HAUS7: variants seen among roughly 807,000 people sequenced by gnomAD.
HAUS7 encodes HAUS augmin-like complex subunit 7.
In HAUS7, 3 loss-of-function variants were observed where a neutral mutation model predicts 28.4. That is an observed-to-expected ratio of 0.11 (90% CI 0.05 to 0.27). The LOEUF (loss-of-function observed/expected upper bound fraction) is 0.27. HAUS7 is among the 10% of genes least tolerant of loss of function. The probability of loss-of-function intolerance (pLI) is 1.00; values close to 1 mark genes in which losing one functional copy is unlikely to be tolerated. For missense variants in HAUS7, 284 were observed against 297.3 expected (o/e 0.96, Z 0.33); for synonymous variants, 165 against 132.1 (o/e 1.25, Z -1.71).
chrX:153,467,788 G>A (rs977288825), intron 2 of HAUS7, among the ~76,000 whole-genome samples: 9 of 112,948 alleles, frequency 8.0e-5, no homozygotes, highest in Non-Finnish European at 1.5e-4. Context: ...TAAAGAGCCG[G>A]AAATGACAGC....
At chrX:153,478,817 G>C (rs782465833) in intron 1 of HAUS7, among the ~76,000 whole-genome samples, 12 of 112,619 alleles carry the variant, frequency 1.1e-4, no homozygotes, top group Non-Finnish European at 2.3e-4. Context: ...CCACGGCCTT[G>C]GCACCCACCC....
intron 1 of HAUS7, among the ~76,000 whole-genome samples, chrX:153,490,031 C>G (rs1215795742): frequency 8.9e-6 from 1 of 112,889 alleles, no homozygotes; most frequent in African/African-American, 3.2e-5. Flanking sequence ...AAAGATTGCT[C>G]CGAGCTGAAG....
chrX:153,460,585 G>A (rs1285427504), intron 4 of HAUS7, among the ~76,000 whole-genome samples: 1 of 110,333 alleles, frequency 9.1e-6, no homozygotes, highest in African/African-American at 3.3e-5. Context: ...GCAGCAGCGA[G>A]CTCCCACAGG....
chrX:153,471,262 A>C, upstream of HAUS7: 1 of 222,586 alleles, frequency 4.5e-6, no homozygotes, highest in Non-Finnish European at 8.6e-6. Context: ...CACCTTACCC[A>C]CTGGGTTGCT....
chrX:153,449,661 G>C (rs1190246807), intron 9 of HAUS7, among the ~76,000 whole-genome samples: 1 of 112,185 alleles, frequency 8.9e-6, no homozygotes, highest in Non-Finnish European at 1.9e-5. Flanking sequence ...TTGAAGCTTT[G>C]GCCCCAGCCC....
chrX:153,490,219 G>A (rs12689026), intron 1 of HAUS7, among the ~76,000 whole-genome samples: 26,193 of 112,074 alleles, frequency 0.23, 3,126 homozygotes, highest in Non-Finnish European at 0.36. Context: ...CTCTGGCCAC[G>A]CCCCAGACCA....
chrX:153,454,539 AG>A, intron 8 of HAUS7, 31 bp from the exon 9 acceptor site: 1 of 130,842 alleles, frequency 7.6e-6, no homozygotes. Context: ...GGAGGGAGGG[AG>A]GGAGGGAGCG....
chrX:153,487,096 T>C (rs2089643794), intron 1 of HAUS7: 1 of 245,877 alleles, frequency 4.1e-6, no homozygotes, highest in Non-Finnish European at 7.6e-6. Flanking sequence ...GGCTCTCCCA[T>C]GTCCGTGCGG....
chrX:153,480,256 C>T (rs1033827705), intron 1 of HAUS7, among the ~76,000 whole-genome samples: 9 of 110,599 alleles, frequency 8.1e-5, no homozygotes, highest in African/African-American at 3.0e-4. Flanking sequence ...TCCCTGGGCC[C>T]AACCACCGGT....
At chrX:153,483,286 C>T in intron 1 of HAUS7, 1 of 754,031 alleles carries the variant, frequency 1.3e-6, no homozygotes, top group Non-Finnish European at 1.6e-6. Flanking sequence ...CTCACCCCAA[C>T]CCCTGACCCC....
At position 153,465,018 on chromosome X, in the gene HAUS7, T is replaced by C. The variant is rs781976078; in HGVS notation, c.262A>G (p.Lys88Glu). The C allele has an allele frequency of 8.3e-7, 1 of 1,203,165 alleles. No homozygotes were observed. The highest frequency in any genetic ancestry group is 1.1e-6 in the Non-Finnish European group (1 of 887,772). The change falls in exon 3 of 10, where the codon AAA (lysine) becomes GAA (glutamate). Residue 88 changes from lysine to glutamate, a missense_variant. By Grantham distance (56) the Lys-to-Glu change is moderately conservative. Coordinates refer to ENST00000370211, the MANE Select transcript of HAUS7 (RefSeq NM_001385482.1). Reference protein sequence around the residue: ...PSLQDRFSSLKGVPTEVKIQE... With the variant: ...PSLQDRFSSLEGVPTEVKIQE... ...ATCTTCACCTCTGTTGGGACCCCTT[T>C]CAGTGAGCTGAACCTGTCCTGCAGT...
chrX:153,469,607 G>T lies in HAUS7; in HGVS notation c.109-346C>A, dbSNP rs1047648274. Among the ~76,000 whole-genome samples the T allele has an allele frequency of 1.5e-3, 174 of 113,154 alleles. 1 individual carries two copies. Among genetic ancestry groups the T allele is most frequent in the African/African-American group, 5.5e-3 (172 of 31,201 alleles). ...CTCCCAAAGTGGTGGGATTACAGGC[G>T]TGGGCCGCCGCGCCCAGTCCTCAGT... On this transcript the variant is annotated intron_variant, in intron 1 of 9. Transcript: ENST00000370211.
chrX:153,470,933 G>A (rs1004964061), upstream of HAUS7: 2 of 337,432 alleles, frequency 5.9e-6, no homozygotes, highest in African/African-American at 2.6e-5. Flanking sequence ...TGCTGGCGTC[G>A]CCCCTGCTGC....
At position 153,457,232 on chromosome X, in the gene HAUS7, G is replaced by A. The variant is rs781992743; in HGVS notation, c.355-4C>T. The A allele has an allele frequency of 1.8e-5, 21 of 1,154,380 alleles. No homozygotes were observed. The South Asian group carries it at 3.8e-4, about 21-fold the overall frequency. ...GCTTCTGGGCGCAGGCACAGCCCTG[G>A]GCAAGGAAGACCACAGACATTCACT... On this transcript the variant is annotated splice_polypyrimidine_tract_variant and splice_region_variant and intron_variant, in intron 4 of 9. Transcript: ENST00000370211.
intron 1 of HAUS7, among the ~76,000 whole-genome samples, chrX:153,488,413 C>G (rs1232744130): frequency 8.8e-6 from 1 of 113,157 alleles, no homozygotes; most frequent in Admixed American, 9.2e-5. Context: ...GGACCGGGGC[C>G]TGGGAACTGA....
At chrX:153,484,623 A>C (rs1281964101) in intron 1 of HAUS7, among the ~76,000 whole-genome samples, 1 of 112,726 alleles carries the variant, frequency 8.9e-6, no homozygotes, top group Non-Finnish European at 1.9e-5. Context: ...CCGCCATTCC[A>C]GGGACCAGAG....
upstream of HAUS7, among the ~76,000 whole-genome samples, chrX:153,474,248 T>A (rs782668536): frequency 8.9e-6 from 1 of 112,347 alleles, no homozygotes; most frequent in African/African-American, 3.2e-5. Flanking sequence ...CCTCTTCCTG[T>A]CACTTCTAGT....
At chrX:153,474,459 C>G (rs1436315222), upstream of HAUS7, among the ~76,000 whole-genome samples, 1 of 112,249 alleles carries the variant, frequency 8.9e-6, no homozygotes, top group Non-Finnish European at 1.9e-5. Context: ...GCCCTGTCCC[C>G]CAGGCCACAG....
At chrX:153,467,059 G>A (rs1318602963) in intron 2 of HAUS7, among the ~76,000 whole-genome samples, 6 of 111,413 alleles carry the variant, frequency 5.4e-5, no homozygotes, top group Non-Finnish European at 9.4e-5. Flanking sequence ...AGTTCCCCAA[G>A]TGCCCCCAGC....
Sources: allele counts gnomAD v4.1 joint callset (sites outside exome capture counted in the v4.1 genomes callset), GRCh38; gene constraint gnomAD v4.1.1; transcripts MANE v1.5; gene names NCBI Gene and HGNC (gene_info 2026-07-23, HGNC 2026-07-21).